Variants in SMIM36 observed in about 807,000 individuals in gnomAD.
SMIM36 encodes the protein small integral membrane protein 36.
At chr17:55,492,495 T>C (rs1456034459) in intron 1 of SMIM36, among the ~76,000 whole-genome samples, 1 of 151,822 alleles carries the variant, frequency 6.6e-6, no homozygotes, top group Admixed American at 6.6e-5. Flanking sequence ...TTCTTTCTCG[T>C]GATCTGCCCT....
intron 1 of SMIM36, among the ~76,000 whole-genome samples, chr17:55,489,376 A>AAAAACAAAAC (rs10676842): frequency 1.4e-3 from 212 of 150,336 alleles, no homozygotes; most frequent in Non-Finnish European, 1.9e-3. Flanking sequence ...CCCTGTCTCC[A>AAAAACAAAAC]AAAACAAAAC....
At chr17:55,507,965 A>G (rs1910108123) in intron 1 of SMIM36, among the ~76,000 whole-genome samples, 1 of 152,180 alleles carries the variant, frequency 6.6e-6, no homozygotes, top group African/African-American at 2.4e-5. Flanking sequence ...TTTACAAGGC[A>G]CTGGAGAAAC....
intron 1 of SMIM36, among the ~76,000 whole-genome samples, chr17:55,508,859 G>A (rs1362844865): frequency 6.7e-6 from 1 of 149,278 alleles, no homozygotes; most frequent in Non-Finnish European, 1.5e-5. Flanking sequence ...GGAGGCGGAG[G>A]TTGCAGTGAG....
upstream of SMIM36, among the ~76,000 whole-genome samples, chr17:55,512,722 C>A (rs1362970311): frequency 1.3e-5 from 2 of 152,242 alleles, no homozygotes; most frequent in Admixed American, 1.3e-4. Flanking sequence ...CAACTTTGCA[C>A]TGGGACCCAC....
At chr17:55,467,685 C>G (rs138181347) in intron 3 of SMIM36, among the ~76,000 whole-genome samples, 15 of 152,178 alleles carry the variant, frequency 9.9e-5, no homozygotes, top group Admixed American at 3.3e-4. Context: ...CGTGAGCCAC[C>G]GCACTCGGCC....
chr17:55,463,550 C>T (rs1245496599), intron 4 of SMIM36, among the ~76,000 whole-genome samples: 1 of 151,788 alleles, frequency 6.6e-6, no homozygotes, highest in Non-Finnish European at 1.5e-5. Context: ...GACCCTGTTT[C>T]TAAATAATAA....
chr17:55,497,251 T>G (rs1909825799), intron 1 of SMIM36, among the ~76,000 whole-genome samples: 1 of 152,096 alleles, frequency 6.6e-6, no homozygotes, highest in African/African-American at 2.4e-5. Flanking sequence ...GTATTCTACC[T>G]TCTTATTTAT....
the SMIM36 span, among the ~76,000 whole-genome samples, chr17:55,517,825 T>C: frequency 4.5e-4 from 68 of 152,310 alleles, no homozygotes; most frequent in East Asian, 9.9e-3. Context: ...TATCAATATA[T>C]AGGTAATATT....
At chr17:55,485,030 C>G (rs1344240992) in intron 1 of SMIM36, among the ~76,000 whole-genome samples, 4 of 152,094 alleles carry the variant, frequency 2.6e-5, no homozygotes, top group South Asian at 2.1e-4. Flanking sequence ...GTCACAGATA[C>G]TGTAAGAAAA....
chr17:55,486,172 C>A (rs1040341870), intron 1 of SMIM36, among the ~76,000 whole-genome samples: 1 of 151,888 alleles, frequency 6.6e-6, no homozygotes, highest in Non-Finnish European at 1.5e-5. Context: ...GTAGCTGGAG[C>A]TACAGGCCCA....
At chr17:55,512,880 G>A (rs563077331), upstream of SMIM36, among the ~76,000 whole-genome samples, 5 of 152,304 alleles carry the variant, frequency 3.3e-5, no homozygotes, top group South Asian at 1.0e-3. Context: ...TTAGTGTTAA[G>A]CTTCAATGGG....
chr17:55,501,491 T>G (rs1267272392), intron 1 of SMIM36, among the ~76,000 whole-genome samples: 6 of 102,524 alleles, frequency 5.9e-5, no homozygotes, highest in Non-Finnish European at 1.1e-4. Context: ...TTATATATAA[T>G]ATAATATAAT....
intron 4 of SMIM36, among the ~76,000 whole-genome samples, chr17:55,454,338 A>C (rs761039565): frequency 6.6e-6 from 1 of 152,256 alleles, no homozygotes; most frequent in Non-Finnish European, 1.5e-5. Context: ...TGTGCATTAC[A>C]AAAGAGAAAG....
intron 3 of SMIM36, among the ~76,000 whole-genome samples, chr17:55,470,547 C>T (rs1420897185): frequency 2.6e-5 from 4 of 152,144 alleles, no homozygotes; most frequent in African/African-American, 9.7e-5. Flanking sequence ...ACTTGAACAA[C>T]ATCTTTTATG....
intron 3 of SMIM36, among the ~76,000 whole-genome samples, chr17:55,474,514 T>C (rs1909395009): frequency 7.0e-6 from 1 of 142,976 alleles, no homozygotes; most frequent in Non-Finnish European, 1.5e-5. Flanking sequence ...GTCTGGTCTT[T>C]GGAACTTGCC....
chr17:55,480,197 G>A (rs1232492780), intron 1 of SMIM36, among the ~76,000 whole-genome samples: 1 of 150,228 alleles, frequency 6.7e-6, no homozygotes, highest in African/African-American at 2.5e-5. Context: ...GAAGTACATA[G>A]TGAGCTGGAC....
At chr17:55,472,341 G>GCT (rs1283342478) in intron 3 of SMIM36, among the ~76,000 whole-genome samples, 2 of 152,100 alleles carry the variant, frequency 1.3e-5, no homozygotes, top group East Asian at 3.9e-4. Flanking sequence ...TAACTCGTGT[G>GCT]CTCTCTCTCG....
At chr17:55,477,949 AG>A (rs1266356995) in intron 3 of SMIM36, among the ~76,000 whole-genome samples, 1 of 151,946 alleles carries the variant, frequency 6.6e-6, no homozygotes, top group African/African-American at 2.4e-5. Flanking sequence ...AAGCTGGGAA[AG>A]TGAATATTTG....
chr17:55,483,227 TG>T (rs1909548772), intron 1 of SMIM36, among the ~76,000 whole-genome samples: 1 of 152,196 alleles, frequency 6.6e-6, no homozygotes. Context: ...TGTTTCTTGT[TG>T]GGTTTGGCCT....
Sources: gnomAD v4.1 joint callset for allele counts (sites outside exome capture counted in the v4.1 genomes callset) on GRCh38, gnomAD v4.1.1 for gene constraint, MANE v1.5 for transcripts, NCBI Gene and HGNC (gene_info 2026-07-23, HGNC 2026-07-21) for gene names.